Variants in AKAP12 observed in about 807,000 individuals in gnomAD.
AKAP12 encodes A-kinase anchoring protein 12.
Under a neutral mutation model 79.9 loss-of-function variants are expected in AKAP12, and 32 were observed. That is an observed-to-expected ratio of 0.40 (90% CI 0.30 to 0.54). AKAP12 has a LOEUF of 0.54. AKAP12 is among the 20% of genes least tolerant of loss of function. The probability of loss-of-function intolerance (pLI) is 0.48; values close to 1 mark genes in which losing one functional copy is unlikely to be tolerated. For missense variants in AKAP12, 2,074 were observed against 2,177.0 expected (o/e 0.95, Z 0.94); for synonymous variants, 808 against 857.0 (o/e 0.94, Z 1.00).
chr6:151,309,396 A>G (rs1777043425), intron 3 of AKAP12, among the ~76,000 whole-genome samples: 1 of 152,210 alleles, frequency 6.6e-6, no homozygotes. Flanking sequence ...TAGATAAAAT[A>G]GCAAGATCAA....
At chr6:151,295,309 G>A (rs1351420061) in intron 2 of AKAP12, among the ~76,000 whole-genome samples, 1 of 152,202 alleles carries the variant, frequency 6.6e-6, no homozygotes, top group East Asian at 1.9e-4. Flanking sequence ...GCCAACTGAT[G>A]ATTTTAGTGG....
rs986187587 is a variant in AKAP12 at position 151,279,693 on chromosome 6, G to A, written c.163-26054G>A. ...GAAACGGGCTGGAGACAATAAGCAAGCAAAAGCCGGCGAGGTGGCAGGCGC... is the reference window on the plus strand; with the variant it reads ...GAAACGGGCTGGAGACAATAAGCAAACAAAAGCCGGCGAGGTGGCAGGCGC... On this transcript the variant is annotated intron_variant, in intron 2 of 4. Transcript: ENST00000402676. 2.6e-5 allele frequency among the ~76,000 whole-genome samples: 4 copies of A among 151,824 alleles called. No individual in the cohort carries two copies. In the South Asian group the frequency reaches 8.3e-4, roughly 32 times the overall value.
chr6:151,296,718 A>G (rs993879330), intron 2 of AKAP12, among the ~76,000 whole-genome samples: 1 of 152,176 alleles, frequency 6.6e-6, no homozygotes, highest in Admixed American at 6.5e-5. Context: ...TGGAGGTTGC[A>G]GTGAGCCGAG....
At chr6:151,290,371 T>C (rs559153751) in intron 2 of AKAP12, among the ~76,000 whole-genome samples, 1 of 152,164 alleles carries the variant, frequency 6.6e-6, no homozygotes, top group African/African-American at 2.4e-5. Flanking sequence ...ACAGACAGAA[T>C]GGAGAAGCAC....
At chr6:151,344,864 T>G (rs1416518468) in intron 3 of AKAP12, among the ~76,000 whole-genome samples, 1 of 152,148 alleles carries the variant, frequency 6.6e-6, no homozygotes, top group East Asian at 1.9e-4. Context: ...TGGGGTTCAG[T>G]TTCAAAATAA....
At chr6:151,261,871 G>A (rs180853776) in intron 2 of AKAP12, among the ~76,000 whole-genome samples, 107 of 151,792 alleles carry the variant, frequency 7.0e-4, no homozygotes, top group Non-Finnish European at 1.1e-3. Context: ...AGCCTGTTAA[G>A]ATAATAATTT....
At position 151,316,491 on chromosome 6, in the gene AKAP12, G is replaced by A. The variant is rs369939389; in HGVS notation, c.319+10588G>A. ...TCACAGTTCTGGAGGCTGGAGGTCC[G>A]AGATCTTGGTGTTGCAGGTTTGGTT... On this transcript the variant is annotated intron_variant, in intron 3 of 4. Transcript: ENST00000402676. Among the ~76,000 whole-genome samples, 300 of 152,280 alleles carry A rather than the reference G, an allele frequency of 2.0e-3. 1 individual carries two copies. The highest frequency in any genetic ancestry group is 6.2e-3 in the African/African-American group (259 of 41,556).
chr6:151,351,117 G>A lies in AKAP12; in HGVS notation c.2726G>A (p.Arg909Lys). Reference protein sequence around the residue: ...GTRAATIIEERSPSWISASVT... With the variant: ...GTRAATIIEEKSPSWISASVT... ...AGGGCAGCTACCATTATTGAAGAAA[G>A]GTCTCCTTCTTGGATATCTGCTTCA... Residue 909 changes from arginine to lysine, a missense_variant, in exon 4 of 5, where the codon AGG becomes AAG. Coordinates refer to ENST00000402676, the MANE Select transcript of AKAP12 (RefSeq NM_005100.4). The surrounding 1 kb of genome is among the most constrained non-coding windows in gnomAD (Gnocchi z 4.4). 6.2e-7 allele frequency: 1 copy of A among 1,614,206 alleles called. No homozygotes were observed. The highest frequency in any genetic ancestry group is 8.5e-7 in the Non-Finnish European group (1 of 1,180,040).
chr6:151,352,093 A>C lies in AKAP12; in HGVS notation c.3702A>C (p.Lys1234Asn), dbSNP rs147618736. 29 of 1,614,088 alleles carry C rather than the reference A, an allele frequency of 1.8e-5. No individual in the cohort carries two copies. The highest frequency in any genetic ancestry group is 2.7e-5 in the African/African-American group (2 of 74,924). ...PSSFVFQEET[K>N]EQSKMEDTLE... is the part of the protein sequence containing the mutation. ...GTTTTGTGTTCCAGGAAGAAACTAAAGAACAATCAAAGATGGAAGACACTC... is the reference window on the plus strand; with the variant it reads ...GTTTTGTGTTCCAGGAAGAAACTAACGAACAATCAAAGATGGAAGACACTC... Residue 1234 changes from lysine (K) to asparagine (N), a missense_variant, in exon 4 of 5, where the codon AAA (lysine) becomes AAC (asparagine). Lys to Asn is a moderately conservative substitution (Grantham distance 94). Transcript: ENST00000402676.
intron 2 of AKAP12, among the ~76,000 whole-genome samples, chr6:151,255,085 T>C (rs1328881051): frequency 6.6e-6 from 1 of 152,212 alleles, no homozygotes; most frequent in Non-Finnish European, 1.5e-5. Flanking sequence ...ATTCAGCACA[T>C]GTGCCTGCAC....
At chr6:151,267,411 C>T (rs1378178929) in intron 2 of AKAP12, among the ~76,000 whole-genome samples, 1 of 152,194 alleles carries the variant, frequency 6.6e-6, no homozygotes, top group Non-Finnish European at 1.5e-5. Flanking sequence ...GGCATTGCTG[C>T]ATTAAAGTCA....
intron 2 of AKAP12, among the ~76,000 whole-genome samples, chr6:151,302,165 C>T (rs985645469): frequency 3.3e-5 from 5 of 151,944 alleles, no homozygotes; most frequent in Admixed American, 3.3e-4. Flanking sequence ...CGCACACCAC[C>T]ACACTTGGCT....
chr6:151,308,056 G>C (rs1162268470), intron 3 of AKAP12, among the ~76,000 whole-genome samples: 1 of 151,944 alleles, frequency 6.6e-6, no homozygotes, highest in African/African-American at 2.4e-5. Context: ...TGTATTTTTA[G>C]TAGAAATGGG....
intron 2 of AKAP12, among the ~76,000 whole-genome samples, chr6:151,281,844 T>A (rs1305004638): frequency 2.0e-5 from 3 of 151,482 alleles, no homozygotes; most frequent in Non-Finnish European, 4.4e-5. Flanking sequence ...CACCATACCC[T>A]CCCTTCCCCA....
At chr6:151,355,334 C>T (rs1778415487) in intron 4 of AKAP12, among the ~76,000 whole-genome samples, 2 of 150,622 alleles carry the variant, frequency 1.3e-5, no homozygotes, top group East Asian at 2.0e-4. Flanking sequence ...GACAGAATCT[C>T]GCTCTGTCGC....
intron 3 of AKAP12, among the ~76,000 whole-genome samples, chr6:151,336,872 A>C (rs1013124559): frequency 1.3e-5 from 2 of 152,188 alleles, no homozygotes; most frequent in Non-Finnish European, 2.9e-5. Flanking sequence ...TCTTCTTTTG[A>C]GAAATGTCTA....
intron 2 of AKAP12, among the ~76,000 whole-genome samples, chr6:151,241,121 C>G (rs894613061): frequency 6.6e-6 from 1 of 152,202 alleles, no homozygotes; most frequent in Non-Finnish European, 1.5e-5. Flanking sequence ...CTCCGGAGCT[C>G]CGAGATGCGG....
chr6:151,273,047 A>G (rs1186185895), intron 2 of AKAP12, among the ~76,000 whole-genome samples: 2 of 152,158 alleles, frequency 1.3e-5, no homozygotes, highest in African/African-American at 2.4e-5. Context: ...AGCTGGGACT[A>G]TAGGCGCCTG....
intron 2 of AKAP12, among the ~76,000 whole-genome samples, chr6:151,274,019 ACT>A (rs1186988769): frequency 6.7e-6 from 1 of 149,788 alleles, no homozygotes; most frequent in Non-Finnish European, 1.5e-5. Flanking sequence ...ACAGAGCAAG[ACT>A]CTGTCTCAAA....
Sources: allele counts gnomAD v4.1 joint callset (sites outside exome capture counted in the v4.1 genomes callset), GRCh38; gene constraint gnomAD v4.1.1; non-coding constraint Gnocchi (gnomAD v3.1); transcripts MANE v1.5; gene names NCBI Gene and HGNC (gene_info 2026-07-23, HGNC 2026-07-21).